The following IFNGR1 variants were observed in gnomAD, a reference collection of about 807,000 sequenced individuals.
IFNGR1 encodes the protein AVP, type 2.
Under a neutral mutation model 35.4 loss-of-function variants are expected in IFNGR1, and 23 were observed. The observed-to-expected ratio is 0.65, with a 90% CI of 0.47 to 0.92. The LOEUF (loss-of-function observed/expected upper bound fraction) is 0.92. IFNGR1 is among the 40% of genes least tolerant of loss of function. The pLI, the probability that IFNGR1 is intolerant of heterozygous loss-of-function variation, is 0.00. For synonymous variants in IFNGR1, 199 were observed against 209.5 expected, an observed-to-expected ratio of 0.95 and a Z score of 0.43; for missense variants, 533 against 583.4, an observed-to-expected ratio of 0.91 and a Z score of 0.89.
At chr6:137,213,637 G>T (rs984102486) in intron 1 of IFNGR1, among the ~76,000 whole-genome samples, 1 of 152,204 alleles carries the variant, frequency 6.6e-6, no homozygotes, top group Non-Finnish European at 1.5e-5. Flanking sequence ...AGGTGATACA[G>T]AGCAGTGCTA....
intron 5 of IFNGR1, among the ~76,000 whole-genome samples, chr6:137,202,522 C>T (rs190113433): frequency 1.3e-5 from 2 of 151,504 alleles, no homozygotes; most frequent in Admixed American, 1.3e-4. Flanking sequence ...ATTTCCATTC[C>T]TCGAAAATAT....
At chr6:137,202,780 C>A (rs572274323) in intron 5 of IFNGR1, among the ~76,000 whole-genome samples, 1 of 152,138 alleles carries the variant, frequency 6.6e-6, no homozygotes, top group Admixed American at 6.5e-5. Context: ...GGTATTTTTG[C>A]ATGGTAGAAC....
Position 137,198,392 on chromosome 6 carries a change from T to G in IFNGR1, c.1109A>C (p.His370Pro). The G allele has an allele frequency of 6.2e-7, 1 of 1,614,188 alleles. No individual in the cohort carries two copies. Among genetic ancestry groups the G allele is most frequent in the Non-Finnish European group, 8.5e-7 (1 of 1,180,026 alleles). ...ACTCTCTCTCTCTATTGGAGTCAGATGGCTGCCCGGGACCACGTCAGGAAT... is the reference window on the plus strand; with the variant it reads ...ACTCTCTCTCTCTATTGGAGTCAGAGGGCTGCCCGGGACCACGTCAGGAAT... ...ENIPDVVPGSHLTPIERESSS... is the reference protein window; with the variant it reads ...ENIPDVVPGSPLTPIERESSS... Residue 370 changes from histidine (H) to proline (P), a missense_variant, in exon 7 of 7, where the codon CAT becomes CCT. Transcript: ENST00000367739.
intron 6 of IFNGR1, 41 bp from the exon 7 acceptor site, chr6:137,198,680 G>C (rs1281566992): frequency 6.6e-7 from 1 of 1,521,994 alleles, no homozygotes. Context: ...AAATTGTTAA[G>C]CTTAAGTGCC....
intron 6 of IFNGR1, among the ~76,000 whole-genome samples, chr6:137,199,311 T>TTATATAATATATAATTTATAA (rs1323149825): frequency 7.6e-6 from 1 of 131,938 alleles, no homozygotes; most frequent in African/African-American, 2.8e-5. Flanking sequence ...TTAATATATA[T>TTATATAATATATAATTTATAA]TATATAATAT....
chr6:137,219,228 C>G lies in IFNGR1; in HGVS notation c.85+15G>C, dbSNP rs558402719. 1 of 1,602,430 alleles carries G rather than the reference C, an allele frequency of 6.2e-7. No homozygotes were observed. The highest frequency in any genetic ancestry group is 8.5e-7 in the Non-Finnish European group (1 of 1,175,394). On this transcript the variant is annotated intron_variant, in intron 1 of 6. Coordinates refer to ENST00000367739, the MANE Select transcript of IFNGR1 (RefSeq NM_000416.3). ...CGTCCCGACCCGGCCGCAGCCCTGC[C>G]GCGAACGACGGTACCTGAGGACGGC...
At chr6:137,208,578 C>G (rs1224031959) in intron 1 of IFNGR1, among the ~76,000 whole-genome samples, 1 of 152,206 alleles carries the variant, frequency 6.6e-6, no homozygotes, top group Non-Finnish European at 1.5e-5. Context: ...GCTGTGGCTT[C>G]GGAGGGTGGA....
chr6:137,207,382 G>A (rs1326854853), intron 1 of IFNGR1, among the ~76,000 whole-genome samples: 1 of 152,102 alleles, frequency 6.6e-6, no homozygotes. Flanking sequence ...CAAATGCACT[G>A]ATTATTGAAT....
intron 3 of IFNGR1, among the ~76,000 whole-genome samples, chr6:137,205,257 G>A (rs1219042700): frequency 1.3e-5 from 2 of 152,156 alleles, no homozygotes; most frequent in Admixed American, 6.6e-5. Flanking sequence ...CAATCTAAAA[G>A]GCAGGAGCAG....
At chr6:137,202,063 T>C (rs1265888106) in intron 5 of IFNGR1, among the ~76,000 whole-genome samples, 1 of 152,232 alleles carries the variant, frequency 6.6e-6, no homozygotes, top group Non-Finnish European at 1.5e-5. Flanking sequence ...GGGCATTTTG[T>C]TACCCAGAAT....
chr6:137,213,422 A>T (rs1355802547), intron 1 of IFNGR1, among the ~76,000 whole-genome samples: 3 of 152,220 alleles, frequency 2.0e-5, no homozygotes, highest in Non-Finnish European at 1.5e-5. Context: ...TCTAATTCCC[A>T]GAACTCCCCT....
chr6:137,199,334 A>T (rs561149052), intron 6 of IFNGR1, among the ~76,000 whole-genome samples: 6 of 130,034 alleles, frequency 4.6e-5, no homozygotes, highest in African/African-American at 1.2e-4. Context: ...AATTTATAAT[A>T]TATAATATAT....
chr6:137,213,251 C>T (rs1779616188), intron 1 of IFNGR1, among the ~76,000 whole-genome samples: 1 of 152,054 alleles, frequency 6.6e-6, no homozygotes, highest in South Asian at 2.1e-4. Context: ...AAGATCTTAC[C>T]AGAGTGATTT....
intron 1 of IFNGR1, among the ~76,000 whole-genome samples, chr6:137,215,952 T>C (rs564066902): frequency 2.4e-4 from 37 of 152,320 alleles, no homozygotes; most frequent in Admixed American, 2.4e-3. Context: ...GCTCCAGTGA[T>C]CCTTCCGCCG....
chr6:137,212,445 A>G (rs1253074318), intron 1 of IFNGR1, among the ~76,000 whole-genome samples: 1 of 152,086 alleles, frequency 6.6e-6, no homozygotes, highest in Non-Finnish European at 1.5e-5. Context: ...TTTAGTAGAG[A>G]TGGGGTTTCA....
At chr6:137,202,770 G>A (rs998980633) in intron 5 of IFNGR1, among the ~76,000 whole-genome samples, 2 of 151,726 alleles carry the variant, frequency 1.3e-5, no homozygotes, top group Non-Finnish European at 2.9e-5. Context: ...TGAATAATGG[G>A]GTATTTTTGC....
intron 1 of IFNGR1, 35 bp downstream of exon 1, chr6:137,219,208 C>T (rs1382714020): frequency 6.3e-7 from 1 of 1,581,696 alleles, no homozygotes; most frequent in Non-Finnish European, 8.6e-7. Context: ...CCTCTCGTCC[C>T]GACCCGGCCG....
At chr6:137,214,582 A>C (rs1168123923) in intron 1 of IFNGR1, among the ~76,000 whole-genome samples, 1 of 152,180 alleles carries the variant, frequency 6.6e-6, no homozygotes, top group Non-Finnish European at 1.5e-5. Flanking sequence ...ACCACCACCA[A>C]GTTGGGGCTT....
In IFNGR1 at chr6:137,203,552, G is replaced by C; in HGVS notation, c.680C>G (p.Thr227Arg). Residue 227 changes from threonine to arginine, a missense_variant, in exon 5 of 7, where the codon ACA becomes AGA. By Grantham distance (71) the Thr-to-Arg change is moderately conservative. Coordinates refer to ENST00000367739, the MANE Select transcript of IFNGR1 (RefSeq NM_000416.3). ...AEGVLHVWGV[T>R]TEKSKEVCIT... The stretch of plus-strand genomic sequence containing the variant: ...ACAAACTTCTTTTGACTTTTCAGTT[G>C]TAACACCCCACACATGTAAGACTCC... The C allele has an allele frequency of 6.2e-7, 1 of 1,613,248 alleles. No homozygotes were observed.
Sources: allele counts gnomAD v4.1 joint callset (sites outside exome capture counted in the v4.1 genomes callset), GRCh38; gene constraint gnomAD v4.1.1; transcripts MANE v1.5; gene names NCBI Gene and HGNC (gene_info 2026-07-23, HGNC 2026-07-21).